The following SRPRB variants were observed in gnomAD, a reference collection of about 807,000 sequenced individuals.
SRPRB encodes signal recognition particle receptor subunit beta.
A neutral mutation model predicts 31.9 loss-of-function variants in SRPRB; 20 were observed. That is an observed-to-expected ratio of 0.63 (90% CI 0.44 to 0.91). The LOEUF is 0.91. SRPRB is among the 40% of genes least tolerant of loss of function. The pLI, the probability that SRPRB is intolerant of heterozygous loss-of-function variation, is 0.00. For synonymous variants in SRPRB, 146 were observed against 132.8 expected, an observed-to-expected ratio of 1.10 and a Z score of -0.68; for missense variants, 321 against 324.9, an observed-to-expected ratio of 0.99 and a Z score of 0.09.
Position 133,819,617 on chromosome 3 carries a change from G to T in SRPRB, c.667G>T (p.Ala223Ser), listed in dbSNP as rs777471623. The change falls in exon 7 of 7, where the codon GCT becomes TCT. Residue 223 changes from alanine to serine, a missense_variant. By Grantham distance (99) the Ala-to-Ser change is moderately conservative (BLOSUM62 1). Coordinates refer to ENST00000678299, the MANE Select transcript of SRPRB (RefSeq NM_001379313.1). ...STLDSSSTAP[A>S]QLGKKGKEFE... ...ACTGGACAGTTCCAGCACTGCCCCTGCTCAGCTGGGGAAGAAAGGCAAAGA... is the reference window on the plus strand; with the variant it reads ...ACTGGACAGTTCCAGCACTGCCCCTTCTCAGCTGGGGAAGAAAGGCAAAGA... The T allele has an allele frequency of 6.2e-7, 1 of 1,614,190 alleles. No individual in the cohort carries two copies. Among genetic ancestry groups the T allele is most frequent in the Non-Finnish European group, 8.5e-7 (1 of 1,180,044 alleles).
chr3:133,792,619 AT>A (rs1205876388), intron 1 of SRPRB: 4 of 152,244 alleles, frequency 2.6e-5, no homozygotes, highest in Non-Finnish European at 5.9e-5. Flanking sequence ...ACATTGTAAC[AT>A]GTAAGTGAGA....
chr3:133,809,330 C>T (rs543253431), intron 3 of SRPRB, among the ~76,000 whole-genome samples: 4 of 152,186 alleles, frequency 2.6e-5, no homozygotes, highest in East Asian at 3.9e-4. Context: ...AGTGAGGGCT[C>T]GTTGGAGGAT....
intron 4 of SRPRB, among the ~76,000 whole-genome samples, chr3:133,812,040 A>G (rs1302092416): frequency 6.6e-6 from 1 of 152,198 alleles, no homozygotes; most frequent in Admixed American, 6.5e-5. Flanking sequence ...GGTCTCTAAC[A>G]TTAATAAGAA....
chr3:133,815,560 A>AT (rs748462631), intron 4 of SRPRB, 30 bp from the exon 5 acceptor site: 18 of 1,611,808 alleles, frequency 1.1e-5, no homozygotes, highest in Middle Eastern at 1.6e-4. Flanking sequence ...ACACGTTCAC[A>AT]TGCCAGTTTT....
downstream of SRPRB, among the ~76,000 whole-genome samples, chr3:133,823,488 A>G (rs774542699): frequency 4.6e-5 from 7 of 152,194 alleles, no homozygotes; most frequent in Non-Finnish European, 7.4e-5. Context: ...CCTGGCCTCA[A>G]TGTCTCTTCT....
chr3:133,818,462 A>G (rs2107976069), intron 6 of SRPRB, among the ~76,000 whole-genome samples: 1 of 152,336 alleles, frequency 6.6e-6, no homozygotes, highest in South Asian at 2.1e-4. Context: ...GAATCTGACT[A>G]ATTTTAATCT....
In SRPRB at chr3:133,820,113, T is replaced by C; in HGVS notation, c.*347T>C. The C allele has an allele frequency of 4.7e-6, 1 of 212,456 alleles. No homozygotes were observed. Among genetic ancestry groups the C allele is most frequent in the East Asian group, 1.0e-4 (1 of 9,708 alleles). The allele number at this position is 212,456 out of a possible 1,614,324, so 13.2% of individuals were successfully genotyped here. Reference sequence around the variant, plus strand: ...GGCCATCACCTGAAAAGTTTTCTTATCTTCTGTGCTTTTGGTCCCTGGAAA... The same window carrying C: ...GGCCATCACCTGAAAAGTTTTCTTACCTTCTGTGCTTTTGGTCCCTGGAAA... On this transcript the variant is annotated 3_prime_UTR_variant, in exon 7 of 7. Coordinates refer to ENST00000678299, the MANE Select transcript of SRPRB (RefSeq NM_001379313.1).
At chr3:133,786,220 A>T (rs1934677302) in intron 1 of SRPRB, 1 of 23,902 alleles carries the variant, frequency 4.2e-5, no homozygotes. Context: ...AAAAAAATAA[A>T]TTAAAAAAAA....
chr3:133,816,236 T>C (rs891305155), intron 5 of SRPRB, among the ~76,000 whole-genome samples: 1 of 152,262 alleles, frequency 6.6e-6, no homozygotes, highest in Middle Eastern at 3.2e-3. Flanking sequence ...TTCAGGTCTC[T>C]TCCAGATCTG....
At chr3:133,815,775 T>C in intron 5 of SRPRB, 49 bp downstream of exon 5, 1 of 1,594,252 alleles carries the variant, frequency 6.3e-7, no homozygotes, top group Non-Finnish European at 8.6e-7. Context: ...TGGGGATTGC[T>C]GCTACTAAGA....
At chr3:133,818,633 T>C (rs1260140401) in intron 6 of SRPRB, among the ~76,000 whole-genome samples, 1 of 152,212 alleles carries the variant, frequency 6.6e-6, no homozygotes, top group Non-Finnish European at 1.5e-5. Flanking sequence ...TATAATAGTA[T>C]ATATGTCACA....
intron 6 of SRPRB, among the ~76,000 whole-genome samples, chr3:133,818,785 A>AGTGTGTGTGGGT (rs1935411188): frequency 6.9e-6 from 1 of 144,102 alleles, no homozygotes; most frequent in African/African-American, 2.6e-5. Flanking sequence ...ATACTTTTAC[A>AGTGTGTGTGGGT]GTGTGTGTGT....
At position 133,815,627 on chromosome 3, in the gene SRPRB, C is replaced by G. The variant is rs749761078; in HGVS notation, c.448C>G (p.Arg150Gly). ...VFVVDSAAFQ[R>G]EVKDVAEFLY... ...TGTTGTGGATAGTGCAGCATTCCAG[C>G]GAGAGGTGAAAGATGTGGCTGAGTT... The change falls in exon 5 of 7, where the codon CGA becomes GGA. Residue 150 changes from arginine to glycine, a missense_variant. Arg to Gly is a moderately radical substitution (Grantham distance 125). Transcript: ENST00000678299. 14 of 1,613,786 alleles carry G rather than the reference C, an allele frequency of 8.7e-6. No individual in the cohort carries two copies. Among genetic ancestry groups the G allele is most frequent in the Non-Finnish European group, 1.2e-5 (14 of 1,179,960 alleles).
intron 1 of SRPRB, 40 bp downstream of exon 1, chr3:133,806,042 C>CAG: frequency 6.3e-7 from 1 of 1,599,590 alleles, no homozygotes; most frequent in Non-Finnish European, 8.5e-7. Context: ...TTGGGGCGGG[C>CAG]AGAGGTCCGG....
In SRPRB at chr3:133,820,151, T is replaced by C. The variant is rs1353407542; in HGVS notation, c.*385T>C. ...TGGTCCCTGGAAACAAATCCGCCTA[T>C]GTATGAAGCTAGTTGATTTCCAGTT... On this transcript the variant is annotated 3_prime_UTR_variant, in exon 7 of 7. Transcript: ENST00000678299. 5.1e-6 allele frequency: 1 copy of C among 196,058 alleles called. No individual in the cohort carries two copies. Among genetic ancestry groups the C allele is most frequent in the Non-Finnish European group, 1.1e-5 (1 of 93,544 alleles). 12.1% of individuals were successfully genotyped at this position (196,058 alleles called of 1,614,324 possible). A position where few individuals can be genotyped will look rare whatever the true frequency, so the allele number is the denominator to read the frequency against.
Position 133,813,991 on chromosome 3 carries a change from T to C in SRPRB, c.411-1599T>C, listed in dbSNP as rs377712739. Among the ~76,000 whole-genome samples, 82 of 152,360 alleles carry C rather than the reference T, an allele frequency of 5.4e-4. 1 individual carries two copies. The East Asian group carries it at 8.3e-3, about 15-fold the overall frequency. On this transcript the variant is annotated intron_variant, in intron 4 of 6. Transcript: ENST00000678299. Reference sequence around the variant, plus strand: ...CCGCTGTTTCTAAGGGAACTTTTTTTGCAAGCCCCGACCTCCCTGAGACTA... The same window carrying C: ...CCGCTGTTTCTAAGGGAACTTTTTTCGCAAGCCCCGACCTCCCTGAGACTA...
intron 4 of SRPRB, among the ~76,000 whole-genome samples, chr3:133,812,135 G>A (rs576519879): frequency 6.6e-6 from 1 of 152,150 alleles, no homozygotes; most frequent in Non-Finnish European, 1.5e-5. Context: ...TCTTATAGTT[G>A]ATGGTGTCAT....
chr3:133,807,413 C>T (rs917208061), intron 2 of SRPRB, among the ~76,000 whole-genome samples: 7 of 151,828 alleles, frequency 4.6e-5, no homozygotes, highest in African/African-American at 1.5e-4. Context: ...ACACTACGCC[C>T]GGCTGATTTT....
rs772606853 is a variant in SRPRB at position 133,805,840 on chromosome 3, G to A, written c.-9G>A. The A allele has an allele frequency of 1.2e-6, 2 of 1,604,698 alleles. No individual in the cohort carries two copies. The highest frequency in any genetic ancestry group is 1.3e-5 in the African/African-American group (1 of 74,792). On this transcript the variant is annotated 5_prime_UTR_variant, in exon 1 of 7. Coordinates refer to ENST00000678299, the MANE Select transcript of SRPRB (RefSeq NM_001379313.1). ...GCTTTTGCTGTACCGGGGACCACGC[G>A]TCTCATCCATGGCTTCCGCGGACTC...
Sources: allele counts gnomAD v4.1 joint callset (sites outside exome capture counted in the v4.1 genomes callset), GRCh38; gene constraint gnomAD v4.1.1; transcripts MANE v1.5; gene names NCBI Gene and HGNC (gene_info 2026-07-23, HGNC 2026-07-21).